Variants in TCF25 observed in about 807,000 individuals in gnomAD.
TCF25 encodes the protein TCF25 ribosome quality control complex subunit.
A neutral mutation model predicts 83.1 loss-of-function variants in TCF25; 41 were observed. The ratio of observed to expected loss-of-function variants is 0.49; its 90% CI spans 0.38 to 0.64. The LOEUF is 0.64. TCF25 is among the 30% of genes least tolerant of loss of function. The pLI is 0.00. For synonymous variants in TCF25, 458 were observed against 365.0 expected (o/e 1.25, Z -2.90); for missense variants, 979 against 914.5 (o/e 1.07, Z -0.91).
intron 16 of TCF25, chr16:89,909,150 G>A: frequency 7.8e-7 from 1 of 1,279,958 alleles, no homozygotes; most frequent in Non-Finnish European, 1.0e-6. Flanking sequence ...TTAGAATGTA[G>A]AAATAAACAT....
intron 1 of TCF25, among the ~76,000 whole-genome samples, chr16:89,880,476 C>T (rs559040407): frequency 1.3e-5 from 2 of 151,826 alleles, no homozygotes; most frequent in Non-Finnish European, 2.9e-5. Flanking sequence ...CCCAGTTACT[C>T]GGGAGGCTGA....
chr16:89,891,518 T>C (rs1398298628), intron 5 of TCF25, among the ~76,000 whole-genome samples: 1 of 152,190 alleles, frequency 6.6e-6, no homozygotes, highest in Non-Finnish European at 1.5e-5. Flanking sequence ...ACGCCCCACC[T>C]GTCTGGTGCC....
rs989347995 is a variant in TCF25 at position 89,899,022 on chromosome 16, C to T, written c.1221+150C>T. The T allele has an allele frequency of 1.6e-5, 12 of 768,330 alleles. No homozygotes were observed. In the South Asian group the frequency reaches 1.8e-4, roughly 12 times the overall value. The allele number at this position is 768,330 out of a possible 1,614,324, so 47.6% of individuals were successfully genotyped here. A position where few individuals can be genotyped will look rare whatever the true frequency, so the allele number is the denominator to read the frequency against. On this transcript the variant is annotated intron_variant, in intron 11 of 17. Transcript: ENST00000263346. ...AACCACGTCCTCCTGCCTTGTTTGT[C>T]TCCCTTGCCGCCTCTACGGAGTGGA...
chr16:89,877,409 A>G (rs897098314), intron 1 of TCF25, among the ~76,000 whole-genome samples: 2 of 152,148 alleles, frequency 1.3e-5, no homozygotes, highest in South Asian at 4.1e-4. Flanking sequence ...TGCTGGGATT[A>G]TAGATGTGAG....
intron 3 of TCF25, among the ~76,000 whole-genome samples, chr16:89,885,195 C>T (rs1463402658): frequency 3.3e-5 from 5 of 152,170 alleles, no homozygotes; most frequent in Non-Finnish European, 7.3e-5. Context: ...TTTATTCCTT[C>T]CTATTAGGAG....
intron 2 of TCF25, chr16:89,883,856 AACT>A (rs2042788086): frequency 1.3e-5 from 3 of 237,186 alleles, no homozygotes; most frequent in East Asian, 1.8e-4. Context: ...TGTCCTTCCT[AACT>A]GTGCCCCGAA....
intron 16 of TCF25, chr16:89,909,695 A>G (rs528395509): frequency 6.8e-6 from 1 of 146,020 alleles, no homozygotes; most frequent in Non-Finnish European, 1.5e-5. Context: ...AAAAAAAAAA[A>G]TCCTCCAGTA....
chr16:89,890,328 C>A (rs557783732), intron 5 of TCF25: 2 of 152,316 alleles, frequency 1.3e-5, no homozygotes, highest in South Asian at 4.1e-4. Context: ...GTGAAACTGC[C>A]CAAGAATGAG....
In TCF25 at chr16:89,883,463, C is replaced by A. The variant is rs773676014; in HGVS notation, c.305C>A (p.Thr102Lys). ...GNKGRGQRGN[T>K]ESKTDGDDTE... ...AAAGGAAGGGGTCAGCGTGGAAACACAGAGAGCAAGACGGATGGAGATGAC... is the reference window on the plus strand; with the variant it reads ...AAAGGAAGGGGTCAGCGTGGAAACAAAGAGAGCAAGACGGATGGAGATGAC... Residue 102 changes from threonine to lysine, a missense_variant, in exon 2 of 18, where the codon ACA becomes AAA. Physicochemically the swap from Thr to Lys is moderately conservative, Grantham distance 78. Transcript: ENST00000263346. 10 of 1,613,716 alleles carry A rather than the reference C, an allele frequency of 6.2e-6. No homozygotes were observed. Among genetic ancestry groups the A allele is most frequent in the Non-Finnish European group, 8.5e-6 (10 of 1,179,954 alleles).
intron 7 of TCF25, among the ~76,000 whole-genome samples, chr16:89,894,329 C>T (rs1367544241): frequency 1.3e-5 from 2 of 150,818 alleles, no homozygotes; most frequent in Non-Finnish European, 1.5e-5. Flanking sequence ...GGACAGCCCT[C>T]ATGCAGCCCC....
At position 89,887,684 on chromosome 16, in the gene TCF25, A is replaced by G. The variant is rs376171364; in HGVS notation, c.581A>G (p.Tyr194Cys). Residue 194 changes from tyrosine to cysteine, a missense_variant, in exon 5 of 18, where the codon TAT (tyrosine) becomes TGT (cysteine). By Grantham distance (194) the Tyr-to-Cys change is radical. Coordinates refer to ENST00000263346, the MANE Select transcript of TCF25 (RefSeq NM_014972.3). The part of the protein sequence containing the change: ...HLNPDTELKR[Y>C]FGARAILGEQ... Reference sequence around the variant, plus strand: ...AATCCAGACACAGAACTGAAAAGGTATTTTGGTGCCCGGGCAATCCTGGGG... The same window carrying G: ...AATCCAGACACAGAACTGAAAAGGTGTTTTGGTGCCCGGGCAATCCTGGGG... The G allele has an allele frequency of 6.3e-6, 10 of 1,589,584 alleles. No individual in the cohort carries two copies. The highest frequency in any genetic ancestry group is 1.2e-5 in the South Asian group (1 of 86,906).
chr16:89,910,757 T>G, intron 17 of TCF25, 94 bp downstream of exon 17: 1 of 1,390,142 alleles, frequency 7.2e-7, no homozygotes, highest in Non-Finnish European at 1.0e-6. Context: ...ACCAGGACTG[T>G]GCCAGCCGGC....
At chr16:89,905,527 T>A (rs2044702305) in intron 14 of TCF25, among the ~76,000 whole-genome samples, 2 of 152,212 alleles carry the variant, frequency 1.3e-5, no homozygotes, top group African/African-American at 4.8e-5. Flanking sequence ...TTGCTGTTCT[T>A]GTCTCGTTTG....
chr16:89,882,374 A>G (rs778397178), intron 1 of TCF25, among the ~76,000 whole-genome samples: 30 of 151,788 alleles, frequency 2.0e-4, no homozygotes, highest in Non-Finnish European at 3.8e-4. Flanking sequence ...CATCTCTACA[A>G]AAAAATTTAA....
chr16:89,910,775 G>C, intron 17 of TCF25, 112 bp downstream of exon 17: 1 of 1,275,736 alleles, frequency 7.8e-7, no homozygotes, highest in Non-Finnish European at 1.1e-6. Flanking sequence ...GGCACAGGGA[G>C]CAGGGAAGGA....
intron 13 of TCF25, 116 bp downstream of exon 13, chr16:89,904,321 G>C (rs1040401905): frequency 2.5e-5 from 30 of 1,186,612 alleles, no homozygotes; most frequent in Non-Finnish European, 3.0e-5. Flanking sequence ...AGGAGGGGCT[G>C]TGGTGGCGGC....
intron 12 of TCF25, among the ~76,000 whole-genome samples, chr16:89,901,283 A>C (rs2044301770): frequency 6.6e-6 from 1 of 152,246 alleles, no homozygotes; most frequent in Non-Finnish European, 1.5e-5. Flanking sequence ...GGGCACAGTG[A>C]GGCTGCCACC....
intron 16 of TCF25, 109 bp from the exon 17 acceptor site, chr16:89,910,482 C>T (rs1442922179): frequency 7.9e-6 from 9 of 1,140,320 alleles, no homozygotes; most frequent in Middle Eastern, 2.1e-4. Context: ...CCTGGCGGCC[C>T]CTCCGTGTCC....
chr16:89,890,842 GTAT>G (rs1379361963), intron 5 of TCF25, among the ~76,000 whole-genome samples: 6 of 151,924 alleles, frequency 3.9e-5, no homozygotes, highest in African/African-American at 1.5e-4. Flanking sequence ...TATTTTTATA[GTAT>G]TATTAAACTT....
Sources: allele counts gnomAD v4.1 joint callset (sites outside exome capture counted in the v4.1 genomes callset), GRCh38; gene constraint gnomAD v4.1.1; transcripts MANE v1.5; gene names NCBI Gene and HGNC (gene_info 2026-07-23, HGNC 2026-07-21).